Variants in FCRL1 observed in about 807,000 individuals in gnomAD.
The protein encoded by FCRL1 is Fc receptor like 1, also known as Fc receptor-like protein 1.
FCRL1 carries 34 observed loss-of-function variants against 49.2 expected under a neutral mutation model. The observed-to-expected ratio is 0.69, with a 90% CI of 0.53 to 0.92. The LOEUF (loss-of-function observed/expected upper bound fraction) is 0.92, where lower values mean the gene tolerates loss of function less well. FCRL1 is among the 40% of genes least tolerant of loss of function. The probability of loss-of-function intolerance (pLI) is 0.00; values close to 1 mark genes in which losing one functional copy is unlikely to be tolerated. For missense variants in FCRL1, 524 were observed against 524.1 expected (o/e 1.00, Z 0.00); for synonymous variants, 218 against 201.6 (o/e 1.08, Z -0.69).
chr1:157,797,254 T>A, intron 9 of FCRL1, 122 bp from the exon 10 acceptor site: 1 of 1,037,700 alleles, frequency 9.6e-7, no homozygotes, highest in South Asian at 1.3e-5. Flanking sequence ...CCATTAATAT[T>A]TTCTGTCTTG....
intron 1 of FCRL1, among the ~76,000 whole-genome samples, chr1:157,819,441 C>G (rs1366714408): frequency 6.6e-6 from 1 of 152,016 alleles, no homozygotes. Context: ...CTGAGCTGAG[C>G]ACCATGAGAA....
intron 2 of FCRL1, among the ~76,000 whole-genome samples, chr1:157,805,185 A>G (rs533212531): frequency 3.9e-5 from 6 of 152,212 alleles, no homozygotes; most frequent in African/African-American, 1.4e-4. Context: ...TGATAAGATG[A>G]TAAAATTGTG....
At chr1:157,817,606 T>C (rs970757503) in intron 1 of FCRL1, among the ~76,000 whole-genome samples, 3 of 152,122 alleles carry the variant, frequency 2.0e-5, no homozygotes, top group Admixed American at 2.0e-4. Context: ...TCTATGTCAC[T>C]GATTTGGGCA....
intron 1 of FCRL1, among the ~76,000 whole-genome samples, chr1:157,808,121 T>C (rs1336625397): frequency 1.3e-5 from 2 of 152,186 alleles, no homozygotes; most frequent in African/African-American, 2.4e-5. Flanking sequence ...TCCATACACT[T>C]GTCCATACAG....
At position 157,801,170 on chromosome 1, in the gene FCRL1, G is replaced by A. The variant is rs562838577; in HGVS notation, c.1003+291C>T. On this transcript the variant is annotated intron_variant, in intron 6 of 10. Coordinates refer to ENST00000368176, the MANE Select transcript of FCRL1 (RefSeq NM_052938.5). ...CTCCAAAAGTGCTGGGATTACAGGC[G>A]TGAGCCACCGCCCCCGGCCAAATCA... Among the ~76,000 whole-genome samples, 9 of 152,230 alleles carry A rather than the reference G, an allele frequency of 5.9e-5. No individual in the cohort carries two copies. The South Asian group carries it at 1.2e-3, about 21-fold the overall frequency.
chr1:157,819,325 G>T (rs746638212), intron 1 of FCRL1, among the ~76,000 whole-genome samples: 6 of 152,030 alleles, frequency 3.9e-5, no homozygotes, highest in Admixed American at 3.3e-4. Context: ...AGCTGTTTAT[G>T]TCCAGGAGTG....
chr1:157,797,683 TA>T, intron 9 of FCRL1, 184 bp downstream of exon 9: 1 of 1,462,060 alleles, frequency 6.8e-7, no homozygotes, highest in Non-Finnish European at 9.4e-7. Context: ...GAAAGAACCT[TA>T]GCATTAGCTC....
At chr1:157,817,166 T>A (rs74545701) in intron 1 of FCRL1, among the ~76,000 whole-genome samples, 3,623 of 152,026 alleles carry the variant, frequency 0.024, 137 homozygotes, top group African/African-American at 0.083. Flanking sequence ...TCCTAAAATT[T>A]GTATGGAACT....
chr1:157,799,576 TG>T (rs969644164), intron 7 of FCRL1, among the ~76,000 whole-genome samples: 1 of 152,070 alleles, frequency 6.6e-6, no homozygotes, highest in Non-Finnish European at 1.5e-5. Context: ...TTGTGATTTT[TG>T]TACATTGATT....
chr1:157,813,144 G>A lies in FCRL1; in HGVS notation c.32-6022C>T, dbSNP rs78105988. Among the ~76,000 whole-genome samples the A allele has an allele frequency of 5.8e-3, 885 of 152,212 alleles. 7 individuals carry two copies. The highest frequency in any genetic ancestry group is 9.6e-3 in the Non-Finnish European group (650 of 68,002). ...CTTACAAAAGCCACTCTATAAAATT[G>A]AAAAAGGTGACTCTTCCACCAGATG... On this transcript the variant is annotated intron_variant, in intron 1 of 10. Transcript: ENST00000368176.
At chr1:157,806,282 CA>C (rs1222043263) in intron 2 of FCRL1, among the ~76,000 whole-genome samples, 2 of 152,206 alleles carry the variant, frequency 1.3e-5, no homozygotes, top group Admixed American at 6.5e-5. Context: ...TTTCTGGTCA[CA>C]GGAATTCCTA....
In FCRL1 at chr1:157,795,994, G is replaced by A. The variant is rs1651402706; in HGVS notation, c.*105C>T. 1.1e-6 allele frequency: 1 copy of A among 942,594 alleles called. No homozygotes were observed. The highest frequency in any genetic ancestry group is 1.6e-5 in the African/African-American group (1 of 61,740). The allele number at this position is 942,594 out of a possible 1,614,324, so 58.4% of individuals were successfully genotyped here. A position where few individuals can be genotyped will look rare whatever the true frequency, so the allele number is the denominator to read the frequency against. On this transcript the variant is annotated 3_prime_UTR_variant, in exon 11 of 11. Coordinates refer to ENST00000368176, the MANE Select transcript of FCRL1 (RefSeq NM_052938.5). ...ATAGTGCCATGGAGAATGGCATCCAGAAGAGGTATACTGGAAAGCTAATGC... is the reference window on the plus strand; with the variant it reads ...ATAGTGCCATGGAGAATGGCATCCAAAAGAGGTATACTGGAAAGCTAATGC...
At chr1:157,800,114 T>C in intron 6 of FCRL1, 29 bp from the exon 7 acceptor site, 3 of 1,611,508 alleles carry the variant, frequency 1.9e-6, no homozygotes, top group African/African-American at 1.3e-5. Flanking sequence ...AGCATACACA[T>C]AAATGGAAGA....
chr1:157,816,930 C>T (rs1655117039), intron 1 of FCRL1, among the ~76,000 whole-genome samples: 1 of 151,698 alleles, frequency 6.6e-6, no homozygotes, highest in African/African-American at 2.4e-5. Flanking sequence ...TAATAAAATA[C>T]TTAGGAATAA....
At chr1:157,804,242 C>G in intron 2 of FCRL1, 131 bp from the exon 3 acceptor site, 1 of 1,051,754 alleles carries the variant, frequency 9.5e-7, no homozygotes. Context: ...CCCTACATGT[C>G]TCCACCCCCC....
At chr1:157,797,648 T>G in intron 9 of FCRL1, 2 of 1,216,608 alleles carry the variant, frequency 1.6e-6, no homozygotes, top group Non-Finnish European at 1.2e-6. Flanking sequence ...ATTTAAGAAA[T>G]TTGACAGCCC....
intron 7 of FCRL1, among the ~76,000 whole-genome samples, chr1:157,798,777 C>T (rs566220398): frequency 2.0e-4 from 30 of 152,150 alleles, no homozygotes; most frequent in Non-Finnish European, 3.1e-4. Context: ...TTCCTCTAAA[C>T]ATCTAAAGAA....
At chr1:157,806,345 A>G (rs1653438406) in intron 2 of FCRL1, among the ~76,000 whole-genome samples, 1 of 152,168 alleles carries the variant, frequency 6.6e-6, no homozygotes, top group South Asian at 2.1e-4. Flanking sequence ...GATGTTCTTG[A>G]GGTGGCAGGA....
chr1:157,818,621 T>C (rs542591761), intron 1 of FCRL1, among the ~76,000 whole-genome samples: 1 of 152,066 alleles, frequency 6.6e-6, no homozygotes, highest in East Asian at 1.9e-4. Context: ...AATGATTGCA[T>C]GTGGCCAGAA....
Sources: gnomAD v4.1 joint callset for allele counts (sites outside exome capture counted in the v4.1 genomes callset) on GRCh38, gnomAD v4.1.1 for gene constraint, MANE v1.5 for transcripts, NCBI Gene and HGNC (gene_info 2026-07-23, HGNC 2026-07-21) for gene names.